Variants in PTPRK observed in about 807,000 individuals in gnomAD.
PTPRK encodes protein tyrosine phosphatase receptor type K.
A neutral mutation model predicts 178.0 loss-of-function variants in PTPRK; 75 were observed. The ratio of observed to expected loss-of-function variants is 0.42; its 90% CI spans 0.35 to 0.51. PTPRK has a LOEUF of 0.51. PTPRK is among the 20% of genes least tolerant of loss of function. The probability of loss-of-function intolerance (pLI) is 0.02; values close to 1 mark genes in which losing one functional copy is unlikely to be tolerated. For missense variants in PTPRK, 1,441 were observed against 1,797.8 expected, an observed-to-expected ratio of 0.80 and a Z score of 3.59; for synonymous variants, 637 against 620.6, an observed-to-expected ratio of 1.03 and a Z score of -0.39.
chr6:128,179,820 G>A (rs965690677), intron 7 of PTPRK, among the ~76,000 whole-genome samples: 1 of 151,886 alleles, frequency 6.6e-6, no homozygotes, highest in African/African-American at 2.4e-5. Context: ...TCACTTTGTG[G>A]TTTCTGGTAT....
At chr6:127,983,023 A>T (rs770203491) in intron 23 of PTPRK, 43 bp from the exon 24 acceptor site, 13 of 1,556,746 alleles carry the variant, frequency 8.4e-6, no homozygotes, top group African/African-American at 2.8e-5. Flanking sequence ...TAGTTTTAGT[A>T]TCACTTTTCT....
intron 3 of PTPRK, among the ~76,000 whole-genome samples, chr6:128,264,300 T>C (rs1818624081): frequency 6.6e-6 from 1 of 152,148 alleles, no homozygotes; most frequent in Non-Finnish European, 1.5e-5. Context: ...AACAGCCCAC[T>C]ATTTTAAATA....
At chr6:128,282,962 TA>T (rs1821911356) in intron 3 of PTPRK, among the ~76,000 whole-genome samples, 1 of 151,984 alleles carries the variant, frequency 6.6e-6, no homozygotes, top group African/African-American at 2.4e-5. Context: ...AGAATAAGTA[TA>T]AAAAATATGA....
intron 1 of PTPRK, 49 bp downstream of exon 1, chr6:128,520,210 T>G (rs944844128): frequency 6.6e-7 from 1 of 1,503,900 alleles, no homozygotes; most frequent in South Asian, 1.2e-5. Flanking sequence ...TCACCCCTCG[T>G]GAGCCCAGGA....
At chr6:128,115,116 A>T (rs1791284510) in intron 7 of PTPRK, among the ~76,000 whole-genome samples, 1 of 152,102 alleles carries the variant, frequency 6.6e-6, no homozygotes, top group African/African-American at 2.4e-5. Context: ...AGCACTTGGC[A>T]TTCTGGCCAA....
intron 15 of PTPRK, among the ~76,000 whole-genome samples, chr6:128,002,891 T>C (rs1214985685): frequency 6.6e-6 from 1 of 151,980 alleles, no homozygotes; most frequent in Non-Finnish European, 1.5e-5. Context: ...CCCTGAGATG[T>C]ATGCATTTGG....
intron 2 of PTPRK, among the ~76,000 whole-genome samples, chr6:128,336,197 T>C (rs1403260057): frequency 6.6e-6 from 1 of 151,876 alleles, no homozygotes; most frequent in African/African-American, 2.4e-5. Flanking sequence ...GTGTGTTTTT[T>C]TTTTTGTTTT....
intron 1 of PTPRK, among the ~76,000 whole-genome samples, chr6:128,405,532 T>A (rs574446704): frequency 2.0e-5 from 3 of 152,268 alleles, no homozygotes; most frequent in African/African-American, 7.2e-5. Context: ...AGAGAGTAAA[T>A]GTACTGAAAA....
At chr6:128,258,135 A>G (rs1817625701) in intron 3 of PTPRK, among the ~76,000 whole-genome samples, 1 of 152,176 alleles carries the variant, frequency 6.6e-6, no homozygotes, top group Non-Finnish European at 1.5e-5. Context: ...CATTTTCTTT[A>G]TACATAAACT....
intron 7 of PTPRK, among the ~76,000 whole-genome samples, chr6:128,165,833 T>G (rs953393437): frequency 6.6e-6 from 1 of 151,500 alleles, no homozygotes; most frequent in African/African-American, 2.4e-5. Flanking sequence ...TTGTAAGAGT[T>G]TATATCACAG....
chr6:128,256,306 A>C (rs1286621207), intron 3 of PTPRK, among the ~76,000 whole-genome samples: 1 of 152,220 alleles, frequency 6.6e-6, no homozygotes, highest in African/African-American at 2.4e-5. Context: ...CCCAGCACTT[A>C]GTGAGCACAC....
At chr6:128,113,619 A>G (rs528016684) in intron 7 of PTPRK, among the ~76,000 whole-genome samples, 1 of 152,206 alleles carries the variant, frequency 6.6e-6, no homozygotes, top group Non-Finnish European at 1.5e-5. Context: ...AAAATATTAC[A>G]CCATTTTGTG....
chr6:128,405,272 C>G (rs185474459), intron 1 of PTPRK, among the ~76,000 whole-genome samples: 1 of 152,172 alleles, frequency 6.6e-6, no homozygotes, highest in Non-Finnish European at 1.5e-5. Flanking sequence ...TCACCTCCCC[C>G]TAAAGCATGT....
At chr6:128,513,488 AAAAAAAAAG>A (rs1346720770) in intron 1 of PTPRK, among the ~76,000 whole-genome samples, 1 of 151,664 alleles carries the variant, frequency 6.6e-6, no homozygotes, top group Admixed American at 6.6e-5. Flanking sequence ...ATCTCCAAAA[AAAAAAAAAG>A]AAAGAAAGAA....
intron 7 of PTPRK, among the ~76,000 whole-genome samples, chr6:128,135,371 G>C (rs1051475105): frequency 6.6e-6 from 1 of 152,132 alleles, no homozygotes; most frequent in Non-Finnish European, 1.5e-5. Flanking sequence ...CTGGTGGTTT[G>C]GTAAAGCCAC....
At chr6:127,996,858 G>A in intron 17 of PTPRK, 43 bp downstream of exon 17, 4 of 1,580,042 alleles carry the variant, frequency 2.5e-6, no homozygotes, top group Non-Finnish European at 3.4e-6. Context: ...AACCATATAA[G>A]CATATAATAT....
At chr6:128,177,854 A>G (rs1417265724) in intron 7 of PTPRK, among the ~76,000 whole-genome samples, 2 of 151,842 alleles carry the variant, frequency 1.3e-5, no homozygotes, top group Non-Finnish European at 2.9e-5. Context: ...ATAGAAATTT[A>G]GAATAACATT....
intron 3 of PTPRK, among the ~76,000 whole-genome samples, chr6:128,289,940 G>C (rs1254664843): frequency 6.6e-6 from 1 of 152,016 alleles, no homozygotes; most frequent in African/African-American, 2.4e-5. Flanking sequence ...GCAAAAAATG[G>C]CACTACATTT....
At position 128,278,214 on chromosome 6, in the gene PTPRK, T is replaced by C. The variant is rs1436517678; in HGVS notation, c.496-35612A>G. ...CACTGTAGCCTGGGCTGGAGTGCAATGGCGTGATCTTAGCTTCTTGCAACC... is the reference window on the plus strand; with the variant it reads ...CACTGTAGCCTGGGCTGGAGTGCAACGGCGTGATCTTAGCTTCTTGCAACC... On this transcript the variant is annotated intron_variant, in intron 3 of 29. Transcript: ENST00000368226. Among the ~76,000 whole-genome samples, 11 of 152,122 alleles carry C rather than the reference T, an allele frequency of 7.2e-5. No individual in the cohort carries two copies. The East Asian group carries it at 1.9e-3, about 27-fold the overall frequency.
Sources: gnomAD v4.1 joint callset for allele counts (sites outside exome capture counted in the v4.1 genomes callset) on GRCh38, gnomAD v4.1.1 for gene constraint, MANE v1.5 for transcripts, NCBI Gene and HGNC (gene_info 2026-07-23, HGNC 2026-07-21) for gene names.